Variants in SYT16 observed in about 807,000 individuals in gnomAD.
The protein encoded by SYT16 is synaptotagmin-16.
In SYT16, 42 loss-of-function variants were observed where a neutral mutation model predicts 61.4. The observed-to-expected ratio is 0.68, with a 90% CI of 0.53 to 0.89. The LOEUF is 0.89. Ranked by LOEUF, SYT16 falls within the 40% of genes least tolerant of loss-of-function variation. The pLI, the probability that SYT16 is intolerant of heterozygous loss-of-function variation, is 0.00. For synonymous variants in SYT16, 314 were observed against 302.3 expected (o/e 1.04, Z -0.40); for missense variants, 804 against 807.3 (o/e 1.00, Z 0.05).
intron 1 of SYT16, among the ~76,000 whole-genome samples, chr14:61,964,038 C>T (rs192306683): frequency 2.6e-4 from 39 of 152,176 alleles, no homozygotes; most frequent in African/African-American, 8.9e-4. Context: ...TATTACTGCT[C>T]GCTGACAATG....
intron 3 of SYT16, among the ~76,000 whole-genome samples, chr14:62,040,724 T>G (rs1254922): frequency 0.43 from 66,023 of 151,926 alleles, 15,100 homozygotes; most frequent in Middle Eastern, 0.54. Flanking sequence ...TTCCTCTACT[T>G]TTAAAAAATA....
chr14:61,983,777 G>A (rs566344172), intron 2 of SYT16, among the ~76,000 whole-genome samples: 4 of 152,058 alleles, frequency 2.6e-5, no homozygotes, highest in Non-Finnish European at 4.4e-5. Context: ...GTCCTCCTAC[G>A]TTGGCCACTC....
intron 1 of SYT16, among the ~76,000 whole-genome samples, chr14:61,954,303 TTAGC>T (rs961583612): frequency 6.9e-6 from 1 of 144,242 alleles, no homozygotes; most frequent in African/African-American, 2.7e-5. Context: ...CTGCAATTGG[TTAGC>T]CTTTTTTTTT....
At chr14:61,886,274 A>AT (rs1228714858) in intron 1 of SYT16, among the ~76,000 whole-genome samples, 1 of 151,828 alleles carries the variant, frequency 6.6e-6, no homozygotes, top group East Asian at 1.9e-4. Flanking sequence ...GGCTGTGGCA[A>AT]TTTTTTAAAA....
chr14:61,977,656 G>A (rs755868131), intron 2 of SYT16, among the ~76,000 whole-genome samples: 1 of 152,124 alleles, frequency 6.6e-6, no homozygotes, highest in Non-Finnish European at 1.5e-5. Context: ...TACAATTCAA[G>A]ATGAGGTTTG....
chr14:62,097,013 G>C (rs1257838562), intron 7 of SYT16, among the ~76,000 whole-genome samples: 1 of 151,958 alleles, frequency 6.6e-6, no homozygotes, highest in Non-Finnish European at 1.5e-5. Flanking sequence ...TGACCCCTAG[G>C]CCAAGGCTCA....
intron 3 of SYT16, among the ~76,000 whole-genome samples, chr14:62,047,270 CTGTT>C (rs1337436933): frequency 1.3e-5 from 2 of 152,268 alleles, no homozygotes; most frequent in South Asian, 2.1e-4. Context: ...ATTTGGCTCT[CTGTT>C]TGTCTGTTAT....
At chr14:62,044,023 G>C (rs1000296498) in intron 3 of SYT16, among the ~76,000 whole-genome samples, 2 of 151,990 alleles carry the variant, frequency 1.3e-5, no homozygotes, top group South Asian at 4.2e-4. Flanking sequence ...GAATAACATA[G>C]ATTTGAATTG....
chr14:61,883,052 G>A (rs1360789971), intron 1 of SYT16, among the ~76,000 whole-genome samples: 1 of 152,216 alleles, frequency 6.6e-6, no homozygotes, highest in Non-Finnish European at 1.5e-5. Context: ...TGGGCACAAT[G>A]TCCTGAGGCT....
In SYT16 at chr14:62,043,515, C is replaced by G. The variant is rs536413170; in HGVS notation, c.524-26088C>G. On this transcript the variant is annotated intron_variant, in intron 3 of 7. Transcript: ENST00000683842. Reference sequence around the variant, plus strand: ...CTCCGCCTCCCTGGTTCACGCCATTCTCTTGCCTCAGCCTCCTGAGTAGCT... The same window carrying G: ...CTCCGCCTCCCTGGTTCACGCCATTGTCTTGCCTCAGCCTCCTGAGTAGCT... 2.7e-5 allele frequency among the ~76,000 whole-genome samples: 4 copies of G among 149,496 alleles called. No individual in the cohort carries two copies. In the East Asian group the frequency reaches 5.9e-4, roughly 22 times the overall value.
intron 1 of SYT16, among the ~76,000 whole-genome samples, chr14:61,908,120 G>C (rs1040592223): frequency 2.6e-5 from 4 of 152,220 alleles, no homozygotes; most frequent in African/African-American, 9.6e-5. Flanking sequence ...GCCTTTAAAG[G>C]CTGCTGTTTA....
intron 1 of SYT16, among the ~76,000 whole-genome samples, chr14:61,850,531 C>A (rs2046582434): frequency 6.6e-6 from 1 of 152,084 alleles, no homozygotes; most frequent in Non-Finnish European, 1.5e-5. Context: ...ATATCATTTG[C>A]CTATTTTTAA....
At chr14:61,861,597 G>T (rs528295410) in intron 1 of SYT16, among the ~76,000 whole-genome samples, 1 of 152,224 alleles carries the variant, frequency 6.6e-6, no homozygotes, top group South Asian at 2.1e-4. Flanking sequence ...TAGAAAGGGG[G>T]TTTTGGCATG....
intron 3 of SYT16, among the ~76,000 whole-genome samples, chr14:62,024,677 G>T (rs1223450970): frequency 1.3e-5 from 2 of 151,934 alleles, no homozygotes; most frequent in Admixed American, 1.3e-4. Context: ...TGCACTCTTG[G>T]TGTTGTATGT....
At chr14:61,900,945 T>TACACCC (rs1472827635) in intron 1 of SYT16, among the ~76,000 whole-genome samples, 2 of 152,224 alleles carry the variant, frequency 1.3e-5, no homozygotes, top group African/African-American at 4.8e-5. Context: ...GGTGGCCACA[T>TACACCC]ACACCCCTTG....
chr14:61,968,412 G>A (rs1452079333), intron 1 of SYT16, among the ~76,000 whole-genome samples: 1 of 152,166 alleles, frequency 6.6e-6, no homozygotes, highest in East Asian at 1.9e-4. Flanking sequence ...ATGCAAATGA[G>A]AAAGACACTG....
At chr14:61,986,103 T>A (rs1182076566) in intron 2 of SYT16, among the ~76,000 whole-genome samples, 1 of 152,150 alleles carries the variant, frequency 6.6e-6, no homozygotes, top group Non-Finnish European at 1.5e-5. Flanking sequence ...AACTGGCTCA[T>A]GGTGCCTGAT....
intron 1 of SYT16, among the ~76,000 whole-genome samples, chr14:61,899,164 A>G (rs1301105369): frequency 6.6e-6 from 1 of 152,204 alleles, no homozygotes; most frequent in African/African-American, 2.4e-5. Context: ...CCCATTCTGC[A>G]GAGGAAACTA....
At chr14:61,862,097 GT>G (rs1555349236) in intron 1 of SYT16, among the ~76,000 whole-genome samples, 1 of 152,258 alleles carries the variant, frequency 6.6e-6, no homozygotes, top group South Asian at 2.1e-4. Flanking sequence ...GTGCTTTATT[GT>G]TATATTCTTA....
Sources: gnomAD v4.1 joint callset for allele counts (sites outside exome capture counted in the v4.1 genomes callset) on GRCh38, gnomAD v4.1.1 for gene constraint, MANE v1.5 for transcripts, NCBI Gene and HGNC (gene_info 2026-07-23, HGNC 2026-07-21) for gene names.